The following TYW1 variants were observed in gnomAD, a reference collection of about 807,000 sequenced individuals.
TYW1 encodes the protein S-adenosyl-L-methionine-dependent tRNA 4-demethylwyosine synthase TYW1.
In TYW1, 46 loss-of-function variants were observed where a neutral mutation model predicts 96.2. That is an observed-to-expected ratio of 0.48 (90% CI 0.38 to 0.61). The LOEUF is 0.61. Ranked by LOEUF, TYW1 falls within the 20% of genes least tolerant of loss-of-function variation. TYW1 has a pLI of 0.00. For synonymous variants in TYW1, 274 were observed against 323.0 expected, an observed-to-expected ratio of 0.85 and a Z score of 1.63; for missense variants, 684 against 909.6, an observed-to-expected ratio of 0.75 and a Z score of 3.19.
At chr7:67,165,332 T>C (rs1799286089) in intron 13 of TYW1, among the ~76,000 whole-genome samples, 1 of 152,156 alleles carries the variant, frequency 6.6e-6, no homozygotes, top group South Asian at 2.1e-4. Flanking sequence ...TCCTGGGTTA[T>C]AATAACCTCA....
chr7:67,068,264 C>A (rs546384476), intron 10 of TYW1, among the ~76,000 whole-genome samples: 2 of 152,216 alleles, frequency 1.3e-5, no homozygotes, highest in South Asian at 2.1e-4. Context: ...TCAGGTGATC[C>A]GCCCGCCTTG....
At chr7:67,024,772 C>G in intron 6 of TYW1, 128 bp from the exon 7 acceptor site, 1 of 1,412,696 alleles carries the variant, frequency 7.1e-7, no homozygotes, top group Non-Finnish European at 9.3e-7. Flanking sequence ...CAGAGCGAGA[C>G]CCTGTCTCAA....
chr7:67,043,181 G>C (rs1438443368), intron 7 of TYW1, among the ~76,000 whole-genome samples: 2 of 152,140 alleles, frequency 1.3e-5, no homozygotes, highest in Non-Finnish European at 2.9e-5. Flanking sequence ...ACAGGCTCAA[G>C]CCTGGACTCC....
At chr7:67,050,320 G>A (rs1378078565) in intron 8 of TYW1, among the ~76,000 whole-genome samples, 6 of 152,144 alleles carry the variant, frequency 3.9e-5, no homozygotes, top group Admixed American at 2.6e-4. Flanking sequence ...TGCTGTCATT[G>A]GGAAAGCTAT....
At chr7:67,102,871 G>A (rs935507425) in intron 12 of TYW1, among the ~76,000 whole-genome samples, 33 of 152,178 alleles carry the variant, frequency 2.2e-4, no homozygotes, top group African/African-American at 5.8e-4. Context: ...GGATGGTCTC[G>A]ATCTCCTGAC....
At chr7:67,176,697 C>G (rs1012757289) in intron 13 of TYW1, among the ~76,000 whole-genome samples, 7 of 152,174 alleles carry the variant, frequency 4.6e-5, no homozygotes, top group African/African-American at 1.7e-4. Flanking sequence ...TAAGCTGATT[C>G]TAAAATGTAC....
intron 7 of TYW1, among the ~76,000 whole-genome samples, chr7:67,026,170 T>C (rs932047988): frequency 2.0e-5 from 3 of 152,178 alleles, no homozygotes; most frequent in Admixed American, 2.0e-4. Context: ...CCTCCTGGTT[T>C]CAAGTGATTC....
chr7:67,102,032 A>G (rs1057355804), intron 12 of TYW1, among the ~76,000 whole-genome samples: 1 of 152,202 alleles, frequency 6.6e-6, no homozygotes, highest in African/African-American at 2.4e-5. Flanking sequence ...CACATGGCTC[A>G]TGTGGGGGAC....
chr7:67,188,664 G>A (rs1454666784), intron 14 of TYW1, among the ~76,000 whole-genome samples: 1 of 152,136 alleles, frequency 6.6e-6, no homozygotes, highest in African/African-American at 2.4e-5. Context: ...CACTTGGAAG[G>A]CTTGTTCCCT....
intron 15 of TYW1, among the ~76,000 whole-genome samples, chr7:67,224,912 T>C (rs1001677827): frequency 3.9e-5 from 6 of 152,078 alleles, no homozygotes; most frequent in African/African-American, 1.4e-4. Context: ...CAAGTCTAGC[T>C]GGGTGCAGTG....
chr7:67,084,963 T>A (rs966851255), intron 11 of TYW1, among the ~76,000 whole-genome samples: 3 of 152,206 alleles, frequency 2.0e-5, no homozygotes, highest in African/African-American at 7.2e-5. Flanking sequence ...ATCTCTATGC[T>A]CTGGTCTCTA....
intron 8 of TYW1, among the ~76,000 whole-genome samples, chr7:67,053,494 C>G (rs1306441427): frequency 1.3e-5 from 2 of 151,914 alleles, no homozygotes. Flanking sequence ...ATTCTCCTGC[C>G]TCAGCCTCCC....
At chr7:67,165,877 C>T (rs923642197) in intron 13 of TYW1, among the ~76,000 whole-genome samples, 3 of 152,112 alleles carry the variant, frequency 2.0e-5, no homozygotes, top group African/African-American at 7.2e-5. Context: ...CTGCAGTGAG[C>T]CAAGATCGTG....
chr7:67,080,551 C>G (rs2115753900), intron 10 of TYW1, among the ~76,000 whole-genome samples: 1 of 152,050 alleles, frequency 6.6e-6, no homozygotes, highest in Non-Finnish European at 1.5e-5. Flanking sequence ...GATTGCCCAC[C>G]ACCACACCTG....
intron 8 of TYW1, among the ~76,000 whole-genome samples, chr7:67,052,834 C>A (rs540399914): frequency 2.6e-5 from 4 of 152,094 alleles, no homozygotes; most frequent in African/African-American, 9.7e-5. Flanking sequence ...CGGGTTCAAG[C>A]GATTCTCCTG....
At chr7:67,002,860 T>TC (rs1252429872) in intron 3 of TYW1, among the ~76,000 whole-genome samples, 1 of 147,010 alleles carries the variant, frequency 6.8e-6, no homozygotes, top group East Asian at 1.9e-4. Flanking sequence ...TTTTTTCTTT[T>TC]TTTTTTTTTT....
chr7:67,186,721 G>A (rs1225614148), intron 14 of TYW1, among the ~76,000 whole-genome samples: 1 of 152,102 alleles, frequency 6.6e-6, no homozygotes, highest in African/African-American at 2.4e-5. Context: ...TTGAACTCCT[G>A]GCCTCAAGCA....
intron 13 of TYW1, among the ~76,000 whole-genome samples, chr7:67,172,174 G>A (rs559592156): frequency 6.6e-6 from 1 of 151,294 alleles, no homozygotes; most frequent in Non-Finnish European, 1.5e-5. Context: ...TTTAACTAAG[G>A]AATTTTATTA....
At chr7:67,012,903 A>G (rs1263546273) in intron 4 of TYW1, among the ~76,000 whole-genome samples, 1 of 151,532 alleles carries the variant, frequency 6.6e-6, no homozygotes, top group African/African-American at 2.4e-5. Context: ...AAAAAAAAAA[A>G]CCAAAACAGA....
Sources: gnomAD v4.1 joint callset for allele counts (sites outside exome capture counted in the v4.1 genomes callset) on GRCh38, gnomAD v4.1.1 for gene constraint, MANE v1.5 for transcripts, NCBI Gene and HGNC (gene_info 2026-07-23, HGNC 2026-07-21) for gene names.